CELF2: variants seen among roughly 807,000 people sequenced by gnomAD.
CELF2 encodes the protein CUG triplet repeat RNA-binding protein 2.
A neutral mutation model predicts 62.6 loss-of-function variants in CELF2; 8 were observed. That is an observed-to-expected ratio of 0.13 (90% CI 0.07 to 0.23). The LOEUF (loss-of-function observed/expected upper bound fraction) is 0.23. Ranked by LOEUF, CELF2 falls within the 10% of genes least tolerant of loss-of-function variation. CELF2 has a pLI of 1.00. For synonymous variants in CELF2, 258 were observed against 250.0 expected (o/e 1.03, Z -0.30); for missense variants, 333 against 671.0 (o/e 0.50, Z 5.56).
chr10:11,273,019 A>C (rs1471341156), intron 7 of CELF2, among the ~76,000 whole-genome samples: 1 of 152,196 alleles, frequency 6.6e-6, no homozygotes, highest in African/African-American at 2.4e-5. Flanking sequence ...TACAGTGGGC[A>C]GTCCCTAGCT....
rs1047996899 is a variant in CELF2 at position 11,010,171 on chromosome 10, G to A, written c.53+4731G>A. On this transcript the variant is annotated intron_variant, in intron 1 of 12. Coordinates refer to the CELF2 transcript ENST00000416382. This position sits in a 1 kb window ranked among gnomAD's most constrained non-coding sequence, Gnocchi z 4.1. The stretch of plus-strand genomic sequence containing the variant: ...GATGAGAAGGCTGACCTGCTCATTT[G>A]GAGATGCCTTTAAGGTATCATGTCT... 1.3e-5 allele frequency: 2 copies of A among 152,182 alleles called. No homozygotes were observed. Among genetic ancestry groups the A allele is most frequent in the African/African-American group, 4.8e-5 (2 of 41,448 alleles). The allele number at this position is 152,182 out of a possible 1,614,324, so 9.4% of individuals were successfully genotyped here.
chr10:10,710,948 G>A, the CELF2 span, among the ~76,000 whole-genome samples: 1 of 152,122 alleles, frequency 6.6e-6, no homozygotes, highest in Non-Finnish European at 1.5e-5. Context: ...AATTAACTGT[G>A]GTTTTTAGAG....
At chr10:11,123,179 C>CTCT in intron 1 of CELF2, among the ~76,000 whole-genome samples, 1 of 152,288 alleles carries the variant, frequency 6.6e-6, no homozygotes, top group African/African-American at 2.4e-5. Flanking sequence ...GATTTGTGAT[C>CTCT]TCTAAAGTCC....
intron 2 of CELF2, among the ~76,000 whole-genome samples, chr10:11,170,383 AG>A (rs2068473864): frequency 6.6e-6 from 1 of 152,238 alleles, no homozygotes; most frequent in African/African-American, 2.4e-5. Flanking sequence ...GGAATGGAAA[AG>A]GTTTGAAATG....
At chr10:10,879,071 A>G (rs2061286134) in intron 1 of CELF2, among the ~76,000 whole-genome samples, 2 of 152,230 alleles carry the variant, frequency 1.3e-5, no homozygotes, top group African/African-American at 4.8e-5. Flanking sequence ...CAGGAGAATA[A>G]CTGGGATGAT....
At chr10:11,202,840 A>G (rs768699029) in intron 2 of CELF2, among the ~76,000 whole-genome samples, 15 of 151,662 alleles carry the variant, frequency 9.9e-5, no homozygotes, top group Non-Finnish European at 2.2e-4. Context: ...CTCGTTGCCT[A>G]GAGCATTTTA....
chr10:10,475,682 T>C, the CELF2 span, among the ~76,000 whole-genome samples: 1 of 152,082 alleles, frequency 6.6e-6, no homozygotes, highest in Non-Finnish European at 1.5e-5. Flanking sequence ...TACGTTGTCC[T>C]CATAGGTAAT....
chr10:10,500,424 A>C, the CELF2 span, among the ~76,000 whole-genome samples: 1 of 152,098 alleles, frequency 6.6e-6, no homozygotes, highest in Admixed American at 6.5e-5. Flanking sequence ...GTGGGAGGTA[A>C]TTGAATCATG....
chr10:10,704,081 G>C, the CELF2 span, among the ~76,000 whole-genome samples: 4 of 152,184 alleles, frequency 2.6e-5, no homozygotes, highest in African/African-American at 9.6e-5. Context: ...CTGTAAGCCA[G>C]ATAATTATTT....
the CELF2 span, among the ~76,000 whole-genome samples, chr10:10,573,871 G>A: frequency 1.3e-5 from 2 of 151,962 alleles, no homozygotes; most frequent in African/African-American, 4.8e-5. Flanking sequence ...ATAAGACCAA[G>A]CCCCTACTTT....
At chr10:10,984,144 T>C (rs530223078) in intron 2 of CELF2, among the ~76,000 whole-genome samples, 1 of 152,356 alleles carries the variant, frequency 6.6e-6, no homozygotes, top group Admixed American at 6.5e-5. Flanking sequence ...AGGTATGCGT[T>C]ATCCCCACTT....
intron 2 of CELF2, among the ~76,000 whole-genome samples, chr10:10,963,243 T>C (rs1238572735): frequency 6.6e-6 from 1 of 152,024 alleles, no homozygotes; most frequent in African/African-American, 2.4e-5. Context: ...TTAGTAGAGA[T>C]GAGGTTTCAC....
the CELF2 span, among the ~76,000 whole-genome samples, chr10:10,731,813 G>A: frequency 6.6e-6 from 1 of 152,136 alleles, no homozygotes. Flanking sequence ...TTGAGATTGA[G>A]AGGGTCCATA....
chr10:10,481,349 A>G, the CELF2 span, among the ~76,000 whole-genome samples: 10 of 152,206 alleles, frequency 6.6e-5, no homozygotes, highest in Non-Finnish European at 1.3e-4. Flanking sequence ...TTTGTTTTCC[A>G]TCATGTACCT....
chr10:10,728,725 A>G, the CELF2 span, among the ~76,000 whole-genome samples: 50 of 152,306 alleles, frequency 3.3e-4, no homozygotes, highest in Admixed American at 2.1e-3. Context: ...TCTCTGGTAT[A>G]CAGTGGTAAT....
chr10:11,072,532 G>A (rs964950832), intron 1 of CELF2, among the ~76,000 whole-genome samples: 12 of 152,150 alleles, frequency 7.9e-5, no homozygotes, highest in Non-Finnish European at 8.8e-5. Flanking sequence ...GCCACACCCC[G>A]TTCTTTGACA....
the CELF2 span, among the ~76,000 whole-genome samples, chr10:10,601,367 T>C: frequency 6.6e-6 from 1 of 152,184 alleles, no homozygotes; most frequent in Admixed American, 6.5e-5. Flanking sequence ...ATTTTAATGG[T>C]GTTGTAAACA....
intron 9 of CELF2, 38 bp downstream of exon 9, chr10:11,288,590 A>C: frequency 1.2e-6 from 2 of 1,609,088 alleles, no homozygotes; most frequent in Non-Finnish European, 1.7e-6. Flanking sequence ...CAGGTGATGC[A>C]GCAGGAGTGG....
At chr10:10,950,707 G>A (rs1353874787) in intron 2 of CELF2, among the ~76,000 whole-genome samples, 1 of 152,170 alleles carries the variant, frequency 6.6e-6, no homozygotes, top group East Asian at 1.9e-4. Flanking sequence ...ACATAGCATT[G>A]CAACTTTCCT....
Sources: gnomAD v4.1 joint callset for allele counts (sites outside exome capture counted in the v4.1 genomes callset) on GRCh38, gnomAD v4.1.1 for gene constraint, Gnocchi (gnomAD v3.1) non-coding constraint, MANE v1.5 for transcripts, NCBI Gene and HGNC (gene_info 2026-07-23, HGNC 2026-07-21) for gene names.